The following FNIP2 variants were observed in gnomAD, a reference collection of about 807,000 sequenced individuals.
The protein encoded by FNIP2 is folliculin interacting protein 2.
FNIP2 carries 32 observed loss-of-function variants against 108.7 expected under a neutral mutation model. That is an observed-to-expected ratio of 0.29 (90% CI 0.22 to 0.40). The LOEUF (loss-of-function observed/expected upper bound fraction) is 0.40. Ranked by LOEUF, FNIP2 falls within the 10% of genes least tolerant of loss-of-function variation. The pLI, the probability that FNIP2 is intolerant of heterozygous loss-of-function variation, is 1.00. For missense variants in FNIP2, 1,202 were observed against 1,381.6 expected, an observed-to-expected ratio of 0.87 and a Z score of 2.06; for synonymous variants, 480 against 496.7, an observed-to-expected ratio of 0.97 and a Z score of 0.45.
At chr4:158,866,461 G>T (rs1004322492) in intron 12 of FNIP2, among the ~76,000 whole-genome samples, 1 of 148,540 alleles carries the variant, frequency 6.7e-6, no homozygotes, top group African/African-American at 2.5e-5. Context: ...CAAGTGATCC[G>T]CCCACCTCGG....
chr4:158,815,494 T>A (rs754713871), intron 1 of FNIP2, among the ~76,000 whole-genome samples: 21 of 151,530 alleles, frequency 1.4e-4, no homozygotes, highest in Admixed American at 3.9e-4. Flanking sequence ...GCCGTTCTCC[T>A]GTCTCAGCCT....
At chr4:158,780,628 T>C (rs1776010387) in intron 1 of FNIP2, among the ~76,000 whole-genome samples, 1 of 152,238 alleles carries the variant, frequency 6.6e-6, no homozygotes, top group Admixed American at 6.5e-5. Flanking sequence ...GAATTCAAAC[T>C]GAAGTCAGTC....
At chr4:158,874,712 A>T (rs1781160272) in intron 14 of FNIP2, among the ~76,000 whole-genome samples, 1 of 152,010 alleles carries the variant, frequency 6.6e-6, no homozygotes, top group African/African-American at 2.4e-5. Context: ...GCAATATATC[A>T]TGTTTTTAAT....
chr4:158,861,470 A>G lies in FNIP2; in HGVS notation c.1277A>G (p.Glu426Gly), dbSNP rs777074423. ...CTCAAGGAGTTTACACTTCTGATAGAACAGATAAATAAAAACCAGTAAGCT... is the reference window on the plus strand; with the variant it reads ...CTCAAGGAGTTTACACTTCTGATAGGACAGATAAATAAAAACCAGTAAGCT... ...RFLKEFTLLI[E>G]QINKNQFFAA... is the part of the protein sequence containing the mutation. The change falls in exon 11 of 17, where the codon GAA becomes GGA. Residue 426 changes from glutamate to glycine, a missense_variant. Glu to Gly is a moderately conservative substitution (Grantham distance 98). Around this residue, in one of 5 missense-constraint regions of FNIP2, gnomAD observed 878 missense variants for 990.3 expected, o/e 0.89. Transcript: ENST00000264433. The G allele has an allele frequency of 1.2e-6, 2 of 1,613,990 alleles. No individual in the cohort carries two copies. The highest frequency in any genetic ancestry group is 2.2e-5 in the South Asian group (2 of 91,080).
intron 12 of FNIP2, among the ~76,000 whole-genome samples, chr4:158,863,767 A>T (rs1780422304): frequency 6.6e-6 from 1 of 152,188 alleles, no homozygotes; most frequent in Non-Finnish European, 1.5e-5. Context: ...GCATAGGTAT[A>T]CAAAGTTTAA....
chr4:158,769,750 A>G (rs1775630843), intron 1 of FNIP2, among the ~76,000 whole-genome samples: 2 of 152,232 alleles, frequency 1.3e-5, no homozygotes. Context: ...GAAGTTCTGA[A>G]GGAGCAACAG....
At chr4:158,814,663 C>T (rs1044320527) in intron 1 of FNIP2, among the ~76,000 whole-genome samples, 1 of 152,104 alleles carries the variant, frequency 6.6e-6, no homozygotes, top group African/African-American at 2.4e-5. Flanking sequence ...AAAGGGGTTG[C>T]TTTTTTAGAG....
intron 1 of FNIP2, chr4:158,808,659 C>G (rs751201116): frequency 2.0e-5 from 3 of 152,196 alleles, no homozygotes; most frequent in Non-Finnish European, 4.4e-5. Flanking sequence ...ACTGAAGGAC[C>G]TGGCTCCAGA....
rs879796304 is a variant in FNIP2 at position 158,785,231 on chromosome 4, C to T, written c.107+15912C>T. ...TCCCGAGTAGATGGGACTACAAGCACGTGCCACCATGCCCAGCTAATTTTT... is the reference window on the plus strand; with the variant it reads ...TCCCGAGTAGATGGGACTACAAGCATGTGCCACCATGCCCAGCTAATTTTT... On this transcript the variant is annotated intron_variant, in intron 1 of 16. Coordinates refer to ENST00000264433, the MANE Select transcript of FNIP2 (RefSeq NM_020840.3). Among the ~76,000 whole-genome samples, 5 of 151,868 alleles carry T rather than the reference C, an allele frequency of 3.3e-5. No individual in the cohort carries two copies. In the East Asian group the frequency reaches 5.8e-4, roughly 18 times the overall value.
intron 7 of FNIP2, among the ~76,000 whole-genome samples, chr4:158,847,093 A>C (rs1293342477): frequency 6.6e-6 from 1 of 152,196 alleles, no homozygotes; most frequent in East Asian, 1.9e-4. Flanking sequence ...AGCAGCTGGA[A>C]CTTGAGTTAC....
intron 1 of FNIP2, among the ~76,000 whole-genome samples, chr4:158,820,544 A>G (rs898999165): frequency 4.6e-5 from 7 of 152,226 alleles, no homozygotes; most frequent in African/African-American, 9.6e-5. Context: ...AGATCGTGTC[A>G]TTCTCTTTCT....
chr4:158,860,806 G>A (rs756342969), intron 10 of FNIP2, among the ~76,000 whole-genome samples: 8 of 151,932 alleles, frequency 5.3e-5, no homozygotes, highest in South Asian at 2.1e-4. Flanking sequence ...ACAGGCGCGC[G>A]CCACCATGCC....
chr4:158,877,943 C>T lies in FNIP2; in HGVS notation c.2949+7474C>T, dbSNP rs187868123. Among the ~76,000 whole-genome samples the T allele has an allele frequency of 2.9e-3, 433 of 151,834 alleles. 2 individuals carry two copies. The highest frequency in any genetic ancestry group is 0.011 in the South Asian group (51 of 4,794). On this transcript the variant is annotated intron_variant, in intron 14 of 16. Coordinates refer to ENST00000264433, the MANE Select transcript of FNIP2 (RefSeq NM_020840.3). Reference sequence around the variant, plus strand: ...TGAAAGAGTGAGACCCCGTCTCCTCCCCCACCCCCCCTCACCCACCGACCA... The same window carrying T: ...TGAAAGAGTGAGACCCCGTCTCCTCTCCCACCCCCCCTCACCCACCGACCA...
intron 12 of FNIP2, among the ~76,000 whole-genome samples, chr4:158,866,926 T>C (rs1388872272): frequency 6.6e-6 from 1 of 152,212 alleles, no homozygotes; most frequent in Non-Finnish European, 1.5e-5. Context: ...TTAGTAAACA[T>C]AGGTTCTTTA....
Position 158,868,735 on chromosome 4 carries a change from C to T in FNIP2, c.2099C>T (p.Ala700Val), listed in dbSNP as rs1780741006. 6.2e-7 allele frequency: 1 copy of T among 1,613,870 alleles called. No individual in the cohort carries two copies. The highest frequency in any genetic ancestry group is 1.1e-5 in the South Asian group (1 of 91,094). ...MPTRLPDRSVAWPCPDRHLRE... is the reference protein window; with the variant it reads ...MPTRLPDRSVVWPCPDRHLRE... ...ACAAGACTGCCAGACCGGTCAGTGG[C>T]CTGGCCTTGCCCTGACAGACATCTC... The change falls in exon 13 of 17, where the codon GCC (alanine) becomes GTC (valine). Residue 700 changes from alanine (A) to valine (V), a missense_variant. Ala to Val is a moderately conservative substitution (Grantham distance 64). Around this residue, in one of 5 missense-constraint regions of FNIP2, gnomAD observed 878 missense variants for 990.3 expected, o/e 0.89. Coordinates refer to ENST00000264433, the MANE Select transcript of FNIP2 (RefSeq NM_020840.3). This position sits in a 1 kb window ranked among gnomAD's most constrained non-coding sequence, Gnocchi z 4.6.
chr4:158,780,363 G>C (rs1268772934), intron 1 of FNIP2, among the ~76,000 whole-genome samples: 2 of 152,096 alleles, frequency 1.3e-5, no homozygotes, highest in Non-Finnish European at 2.9e-5. Context: ...AAATCTTTTA[G>C]AATGCTTTTA....
chr4:158,791,114 A>ATT (rs916499937), intron 1 of FNIP2, among the ~76,000 whole-genome samples: 1 of 138,134 alleles, frequency 7.2e-6, no homozygotes, highest in African/African-American at 2.5e-5. Context: ...GCGTAGCAAT[A>ATT]AACGAGAAGG....
Position 158,868,223 on chromosome 4 carries a change from G to A in FNIP2, c.1587G>A (p.Glu529=). ...YVLTYFLRCS[E]LQENQLTWSG... ...TGACCTACTTTCTCCGTTGCTCTGA[G>A]CTACAAGAGAACCAGCTGACCTGGA... Residue 529 remains glutamate (E), a synonymous_variant, in exon 13 of 17, where the codon GAG becomes GAA. Coordinates refer to ENST00000264433, the MANE Select transcript of FNIP2 (RefSeq NM_020840.3). This position sits in a 1 kb window ranked among gnomAD's most constrained non-coding sequence, Gnocchi z 4.6. 1.2e-6 allele frequency: 2 copies of A among 1,614,070 alleles called. No homozygotes were observed. The highest frequency in any genetic ancestry group is 1.7e-6 in the Non-Finnish European group (2 of 1,179,900).
At chr4:158,867,589 G>A (rs1270354089) in intron 12 of FNIP2, among the ~76,000 whole-genome samples, 1 of 152,190 alleles carries the variant, frequency 6.6e-6, no homozygotes, top group Non-Finnish European at 1.5e-5. Flanking sequence ...CTTGGTGTGT[G>A]TATGCGTATT....
Sources: allele counts gnomAD v4.1 joint callset (sites outside exome capture counted in the v4.1 genomes callset), GRCh38; gene constraint gnomAD v4.1.1; regional missense constraint gnomAD v4.1.1; non-coding constraint Gnocchi (gnomAD v3.1); transcripts MANE v1.5; gene names NCBI Gene and HGNC (gene_info 2026-07-23, HGNC 2026-07-21).